RASEF: variants seen among roughly 807,000 people sequenced by gnomAD.
RASEF encodes the protein RAS and EF-hand domain containing, also known as ras and EF-hand domain-containing protein.
Under a neutral mutation model 90.1 loss-of-function variants are expected in RASEF, and 68 were observed. That is an observed-to-expected ratio of 0.75 (90% CI 0.62 to 0.92). RASEF has a LOEUF of 0.92. RASEF is among the 40% of genes least tolerant of loss of function. RASEF has a pLI of 0.00. For synonymous variants in RASEF, 331 were observed against 345.2 expected, an observed-to-expected ratio of 0.96 and a Z score of 0.46; for missense variants, 949 against 937.2, an observed-to-expected ratio of 1.01 and a Z score of -0.16.
the RASEF span, among the ~76,000 whole-genome samples, chr9:83,212,992 C>T: frequency 1.3e-5 from 2 of 151,608 alleles, no homozygotes; most frequent in African/African-American, 4.8e-5. Flanking sequence ...TTGTCTTTTA[C>T]CAAAAGCCAA....
chr9:83,167,405 T>C, the RASEF span, among the ~76,000 whole-genome samples: 5 of 150,978 alleles, frequency 3.3e-5, no homozygotes, highest in South Asian at 1.0e-3. Context: ...TAGCAATCTC[T>C]ACAGGAGTGC....
intron 1 of RASEF, among the ~76,000 whole-genome samples, chr9:83,033,514 G>A (rs1829682987): frequency 6.6e-6 from 1 of 152,168 alleles, no homozygotes; most frequent in African/African-American, 2.4e-5. Flanking sequence ...AGGAGAGCTG[G>A]AGCTGGAGAA....
chr9:83,120,894 C>T, the RASEF span, among the ~76,000 whole-genome samples: 86 of 152,226 alleles, frequency 5.6e-4, no homozygotes, highest in South Asian at 0.016. Flanking sequence ...CCATCTGATA[C>T]GCAGACCTAC....
chr9:83,084,076 A>C, the RASEF span, among the ~76,000 whole-genome samples: 1 of 152,136 alleles, frequency 6.6e-6, no homozygotes, highest in African/African-American at 2.4e-5. Flanking sequence ...AAAATGATGG[A>C]TAACAAGAAC....
At chr9:83,139,564 C>T in the RASEF span, among the ~76,000 whole-genome samples, 26 of 151,742 alleles carry the variant, frequency 1.7e-4, no homozygotes, top group East Asian at 3.9e-3. Context: ...TAGAAGTGAG[C>T]CATTAAAAAG....
At chr9:83,150,270 T>G in the RASEF span, among the ~76,000 whole-genome samples, 1 of 151,866 alleles carries the variant, frequency 6.6e-6, no homozygotes. Flanking sequence ...CATTTAGGGG[T>G]TTTTATGATG....
chr9:83,168,773 C>A, the RASEF span, among the ~76,000 whole-genome samples: 12 of 152,252 alleles, frequency 7.9e-5, no homozygotes, highest in African/African-American at 2.6e-4. Context: ...TATCACCTCA[C>A]CCCAGTTAAA....
the RASEF span, among the ~76,000 whole-genome samples, chr9:83,189,291 T>C: frequency 6.6e-6 from 1 of 152,264 alleles, no homozygotes; most frequent in East Asian, 1.9e-4. Context: ...GAAGGATGTA[T>C]TTGCTTCCAC....
chr9:83,002,854 G>A (rs1182673882), intron 9 of RASEF, among the ~76,000 whole-genome samples: 1 of 152,052 alleles, frequency 6.6e-6, no homozygotes. Context: ...ACAAATCTGT[G>A]CATGTACCCC....
chr9:83,038,575 T>C (rs1829784343), intron 1 of RASEF, among the ~76,000 whole-genome samples: 1 of 152,304 alleles, frequency 6.6e-6, no homozygotes, highest in African/African-American at 2.4e-5. Context: ...AACATTAAAA[T>C]ACGTGAATAT....
chr9:83,063,063 C>G lies in RASEF; in HGVS notation c.-196G>C. The G allele has an allele frequency of 3.5e-6, 2 of 570,994 alleles. No homozygotes were observed. The allele number at this position is 570,994 out of a possible 1,614,324, so 35.4% of individuals were successfully genotyped here. On this transcript the variant is annotated 5_prime_UTR_variant, in exon 1 of 17. Transcript: ENST00000376447. ...CGAGCGGCTCCCTTCGACGACGGTTCGGGCCAGCCCCCAACAGGTCCCGGG... is the reference window on the plus strand; with the variant it reads ...CGAGCGGCTCCCTTCGACGACGGTTGGGGCCAGCCCCCAACAGGTCCCGGG...
At chr9:82,990,354 G>A (rs1290742397) in intron 16 of RASEF, 37 bp downstream of exon 16, 10 of 1,487,396 alleles carry the variant, frequency 6.7e-6, no homozygotes, top group East Asian at 2.3e-5. Flanking sequence ...TGCAACAAGC[G>A]AAAATTCAAT....
chr9:83,149,818 C>T, the RASEF span, among the ~76,000 whole-genome samples: 1 of 152,210 alleles, frequency 6.6e-6, no homozygotes, highest in African/African-American at 2.4e-5. Flanking sequence ...GCACTTCTAA[C>T]ACCAAATGTT....
chr9:83,024,021 C>A (rs572568233), intron 2 of RASEF, among the ~76,000 whole-genome samples: 1 of 152,326 alleles, frequency 6.6e-6, no homozygotes, highest in South Asian at 2.1e-4. Context: ...ACTGGGAACC[C>A]CTTCTTCAGG....
chr9:83,013,566 T>A (rs926758089), intron 4 of RASEF, among the ~76,000 whole-genome samples: 4 of 152,210 alleles, frequency 2.6e-5, no homozygotes, highest in African/African-American at 9.6e-5. Flanking sequence ...CTATAGCCCT[T>A]AATGCACTCT....
the RASEF span, among the ~76,000 whole-genome samples, chr9:83,087,405 T>TCTCTCTCTCTCTCTCTCTCTC: frequency 3.5e-5 from 4 of 115,528 alleles, no homozygotes; most frequent in African/African-American, 6.7e-5. Flanking sequence ...TTCTCATTCA[T>TCTCTCTCTCTCTCTCTCTCTC]TCTCTCTCTC....
intron 1 of RASEF, among the ~76,000 whole-genome samples, chr9:83,040,348 G>A (rs1198913627): frequency 6.6e-6 from 1 of 152,002 alleles, no homozygotes; most frequent in African/African-American, 2.4e-5. Context: ...AAATGTGGGG[G>A]CATTTTTAAC....
the RASEF span, among the ~76,000 whole-genome samples, chr9:83,205,077 C>T: frequency 2.4e-4 from 37 of 152,290 alleles, no homozygotes; most frequent in Non-Finnish European, 4.6e-4. Flanking sequence ...CTTCATCTTC[C>T]GTATGCCAAC....
intron 16 of RASEF, among the ~76,000 whole-genome samples, chr9:82,984,434 T>C (rs1247396344): frequency 6.6e-6 from 1 of 152,084 alleles, no homozygotes; most frequent in Admixed American, 6.6e-5. Context: ...CACTGCACTG[T>C]GAATTGGAAA....
Sources: allele counts gnomAD v4.1 joint callset (sites outside exome capture counted in the v4.1 genomes callset), GRCh38; gene constraint gnomAD v4.1.1; transcripts MANE v1.5; gene names NCBI Gene and HGNC (gene_info 2026-07-23, HGNC 2026-07-21).